The following SLC23A2 variants were observed in gnomAD, a reference collection of about 807,000 sequenced individuals.
The protein encoded by SLC23A2 is Na(+)/L-ascorbic acid transporter 2.
In SLC23A2, 36 loss-of-function variants were observed where a neutral mutation model predicts 73.3. The ratio of observed to expected loss-of-function variants is 0.49; its 90% CI spans 0.38 to 0.65. The LOEUF (loss-of-function observed/expected upper bound fraction) is 0.65. SLC23A2 is among the 30% of genes least tolerant of loss of function. The pLI is 0.00. For synonymous variants in SLC23A2, 343 were observed against 327.3 expected, an observed-to-expected ratio of 1.05 and a Z score of -0.52; for missense variants, 507 against 841.6, an observed-to-expected ratio of 0.60 and a Z score of 4.92.
In SLC23A2 at chr20:4,902,137, G is replaced by A. The variant is rs1931767054; in HGVS notation, c.324+305C>T. 6.6e-6 allele frequency among the ~76,000 whole-genome samples: 1 copy of A among 152,134 alleles called. No homozygotes were observed. The highest frequency in any genetic ancestry group is 2.4e-5 in the African/African-American group (1 of 41,432). ...TCCTGCCTCAGCCTCTTGAGTAGCT[G>A]GGACTGTGGGCACACACCACCACAC... On this transcript the variant is annotated intron_variant, in intron 5 of 16. Coordinates refer to ENST00000338244, the MANE Select transcript of SLC23A2 (RefSeq NM_005116.6). This position sits in a 1 kb window ranked among gnomAD's most constrained non-coding sequence, Gnocchi z 4.0.
chr20:4,907,308 C>T lies in SLC23A2; in HGVS notation c.208-4750G>A, dbSNP rs146464778. On this transcript the variant is annotated intron_variant, in intron 4 of 16. Transcript: ENST00000338244. Reference sequence around the variant, plus strand: ...ATCTATAGATCCCACAGAGACAACACGGCTTTCCACCTGGTCACTCAAGGG... The same window carrying T: ...ATCTATAGATCCCACAGAGACAACATGGCTTTCCACCTGGTCACTCAAGGG... Among the ~76,000 whole-genome samples the T allele has an allele frequency of 2.0e-3, 301 of 152,216 alleles. 2 individuals are homozygous for T. The highest frequency in any genetic ancestry group is 7.9e-3 in the South Asian group (38 of 4,814).
At chr20:4,890,794 C>T (rs922914798) in intron 6 of SLC23A2, among the ~76,000 whole-genome samples, 10 of 152,202 alleles carry the variant, frequency 6.6e-5, no homozygotes, top group African/African-American at 1.2e-4. Context: ...TCTATCTATT[C>T]GTGGTGATGG....
At chr20:4,927,438 T>G (rs1932713562) in intron 3 of SLC23A2, among the ~76,000 whole-genome samples, 1 of 152,188 alleles carries the variant, frequency 6.6e-6, no homozygotes, top group Non-Finnish European at 1.5e-5. Flanking sequence ...CAGCTCTGCC[T>G]GCCAGCAGCA....
At position 4,979,272 on chromosome 20, in the gene SLC23A2, A is replaced by G. The variant is rs188231393; in HGVS notation, c.-281-8353T>C. ...CACACCACTGCACTCCAGCCTGGGC[A>G]ACAGGGTGAGACCCCCATCTCAAAA... On this transcript the variant is annotated intron_variant, in intron 1 of 16. Coordinates refer to ENST00000338244, the MANE Select transcript of SLC23A2 (RefSeq NM_005116.6). Among the ~76,000 whole-genome samples the G allele has an allele frequency of 6.0e-3, 884 of 148,414 alleles. 7 individuals are homozygous for G. Among genetic ancestry groups the G allele is most frequent in the African/African-American group, 0.022 (827 of 38,162 alleles).
At chr20:5,002,310 T>G (rs895258485), upstream of SLC23A2, among the ~76,000 whole-genome samples, 1 of 152,194 alleles carries the variant, frequency 6.6e-6, no homozygotes, top group African/African-American at 2.4e-5. Flanking sequence ...AGAATCTGCA[T>G]TTCTGCCAAG....
chr20:4,907,736 A>T (rs1486773154), intron 4 of SLC23A2, among the ~76,000 whole-genome samples: 1 of 152,150 alleles, frequency 6.6e-6, no homozygotes, highest in Non-Finnish European at 1.5e-5. Context: ...TATAGAAATT[A>T]ACCAAAGAAA....
In SLC23A2 at chr20:4,977,700, A is replaced by C. The variant is rs1285471769; in HGVS notation, c.-281-6781T>G. Among the ~76,000 whole-genome samples the C allele has an allele frequency of 8.6e-4, 127 of 147,530 alleles. No individual in the cohort carries two copies. The Middle Eastern group carries it at 0.01, about 12-fold the overall frequency. ...GTGACAGAGCGAGACTCTGTCCCCA[A>C]AAAAAAAAAAAAGAAAAGAAAAGAG... On this transcript the variant is annotated intron_variant, in intron 1 of 16. Coordinates refer to ENST00000338244, the MANE Select transcript of SLC23A2 (RefSeq NM_005116.6).
intron 11 of SLC23A2, among the ~76,000 whole-genome samples, chr20:4,870,847 G>A (rs922722717): frequency 6.6e-6 from 1 of 152,150 alleles, no homozygotes; most frequent in Admixed American, 6.5e-5. Flanking sequence ...CATCCATAAG[G>A]TATGGACAGT....
chr20:4,878,513 T>C (rs1328827612), intron 9 of SLC23A2, among the ~76,000 whole-genome samples: 1 of 152,178 alleles, frequency 6.6e-6, no homozygotes, highest in Non-Finnish European at 1.5e-5. Flanking sequence ...TTTCTGACGT[T>C]TTAAATGTGT....
intron 1 of SLC23A2, among the ~76,000 whole-genome samples, chr20:5,000,621 T>G (rs961480611): frequency 6.6e-6 from 1 of 152,124 alleles, no homozygotes; most frequent in African/African-American, 2.4e-5. Flanking sequence ...ATTTACCCTT[T>G]GCCCTGACAA....
At chr20:4,858,512 C>A (rs982376582) in intron 16 of SLC23A2, among the ~76,000 whole-genome samples, 1 of 151,402 alleles carries the variant, frequency 6.6e-6, no homozygotes, top group African/African-American at 2.4e-5. Context: ...GTTTCCCCAG[C>A]AATCTCTTGA....
intron 13 of SLC23A2, among the ~76,000 whole-genome samples, chr20:4,867,294 G>T (rs1016565902): frequency 2.0e-5 from 3 of 152,010 alleles, no homozygotes; most frequent in Non-Finnish European, 4.4e-5. Flanking sequence ...TCTCCCCCAG[G>T]TTATTTGCAG....
At chr20:4,932,270 C>T (rs1293452959) in intron 3 of SLC23A2, among the ~76,000 whole-genome samples, 185 bp downstream of exon 3, 1 of 152,170 alleles carries the variant, frequency 6.6e-6, no homozygotes, top group East Asian at 1.9e-4. Flanking sequence ...CAGCAGATGA[C>T]TCCAGGCTGA....
chr20:4,984,916 A>G (rs2087798559), intron 1 of SLC23A2, among the ~76,000 whole-genome samples: 1 of 152,160 alleles, frequency 6.6e-6, no homozygotes, highest in African/African-American at 2.4e-5. Flanking sequence ...ATGCGGGCGG[A>G]TCATGAGGTC....
chr20:5,003,923 C>T (rs1447439322), upstream of SLC23A2, among the ~76,000 whole-genome samples: 1 of 152,148 alleles, frequency 6.6e-6, no homozygotes, highest in Non-Finnish European at 1.5e-5. Context: ...AAATTCTATT[C>T]TTGTGATAAT....
At chr20:4,896,849 T>C (rs1480792049) in intron 6 of SLC23A2, among the ~76,000 whole-genome samples, 1 of 152,180 alleles carries the variant, frequency 6.6e-6, no homozygotes, top group African/African-American at 2.4e-5. Context: ...TGTTGATAAG[T>C]CCCAAGCTCT....
intron 3 of SLC23A2, among the ~76,000 whole-genome samples, chr20:4,917,469 C>T (rs1260026951): frequency 1.3e-5 from 2 of 152,188 alleles, no homozygotes; most frequent in East Asian, 3.9e-4. Context: ...CTGGGTTTCT[C>T]AGCTGGGAAG....
At chr20:4,880,353 C>T (rs900660688) in intron 9 of SLC23A2, among the ~76,000 whole-genome samples, 2 of 152,086 alleles carry the variant, frequency 1.3e-5, no homozygotes, top group African/African-American at 2.4e-5. Flanking sequence ...ATGGGTTTAC[C>T]GGGCTTCCTG....
chr20:4,987,600 G>A (rs890514308), intron 1 of SLC23A2, among the ~76,000 whole-genome samples: 1 of 152,158 alleles, frequency 6.6e-6, no homozygotes, highest in Non-Finnish European at 1.5e-5. Context: ...TATAATCTCA[G>A]CACTTTGGAA....
Sources: allele counts gnomAD v4.1 joint callset (sites outside exome capture counted in the v4.1 genomes callset), GRCh38; gene constraint gnomAD v4.1.1; non-coding constraint Gnocchi (gnomAD v3.1); transcripts MANE v1.5; gene names NCBI Gene and HGNC (gene_info 2026-07-23, HGNC 2026-07-21).